Variants in UQCC1 observed in about 807,000 individuals in gnomAD.
UQCC1 encodes the protein bFGF-repressed Zic-binding protein.
UQCC1 carries 38 observed loss-of-function variants against 48.0 expected under a neutral mutation model. That is an observed-to-expected ratio of 0.79 (90% CI 0.61 to 1.04). The LOEUF is 1.04. Ranked by LOEUF, UQCC1 falls within the 50% of genes least tolerant of loss-of-function variation. The pLI, the probability that UQCC1 is intolerant of heterozygous loss-of-function variation, is 0.00. For synonymous variants in UQCC1, 111 were observed against 129.2 expected (o/e 0.86, Z 0.95); for missense variants, 368 against 381.8 (o/e 0.96, Z 0.30).
chr20:35,309,794 T>C (rs138271196), intron 8 of UQCC1, among the ~76,000 whole-genome samples: 474 of 152,358 alleles, frequency 3.1e-3, no homozygotes, highest in African/African-American at 0.011. Flanking sequence ...TCAGTGAAGA[T>C]TGATTTGACA....
Position 35,306,792 on chromosome 20 carries a change from G to T in UQCC1, c.652-13C>A, listed in dbSNP as rs775536448. ...CTGAAAGGATCCCCTGGAACATACA[G>T]CACAGCAGTGGTCTCCTGAGGGATC... On this transcript the variant is annotated splice_polypyrimidine_tract_variant and intron_variant, in intron 8 of 9. Transcript: ENST00000374385. 2 of 1,598,508 alleles carry T rather than the reference G, an allele frequency of 1.3e-6. No homozygotes were observed. The highest frequency in any genetic ancestry group is 1.7e-5 in the Admixed American group (1 of 60,006).
At chr20:35,365,144 G>C (rs1213140043) in intron 6 of UQCC1, among the ~76,000 whole-genome samples, 1 of 152,208 alleles carries the variant, frequency 6.6e-6, no homozygotes, top group Admixed American at 6.5e-5. Flanking sequence ...AGAACTAACA[G>C]GTAGAAGTAT....
At position 35,302,806 on chromosome 20, in the gene UQCC1, A is replaced by C. The variant is rs1402090783; in HGVS notation, c.*1129T>G. On this transcript the variant is annotated 3_prime_UTR_variant, in exon 10 of 10. Transcript: ENST00000374385. ...AACTGAGAGAAGCGGTTTGATTTGTAATGTTTTCACAGAAGTGGGATATAC... is the reference window on the plus strand; with the variant it reads ...AACTGAGAGAAGCGGTTTGATTTGTCATGTTTTCACAGAAGTGGGATATAC... 1 of 152,246 alleles carries C rather than the reference A, an allele frequency of 6.6e-6. No homozygotes were observed. The highest frequency in any genetic ancestry group is 1.5e-5 in the Non-Finnish European group (1 of 68,044). 9.4% of individuals were successfully genotyped at this position (152,246 alleles called of 1,614,324 possible).
intron 7 of UQCC1, among the ~76,000 whole-genome samples, chr20:35,327,138 G>A (rs1158513257): frequency 6.6e-6 from 1 of 152,170 alleles, no homozygotes; most frequent in Non-Finnish European, 1.5e-5. Context: ...CAACAGCCCT[G>A]CCTTCTTCTT....
At chr20:35,394,282 A>G in intron 1 of UQCC1, 86 bp from the exon 2 acceptor site, 1 of 1,155,102 alleles carries the variant, frequency 8.7e-7, no homozygotes, top group East Asian at 2.5e-5. Context: ...ATACTGTAAT[A>G]TAATTAGAAA....
chr20:35,383,921 C>T (rs2061906415), intron 3 of UQCC1, 117 bp downstream of exon 3: 1 of 794,620 alleles, frequency 1.3e-6, no homozygotes, highest in African/African-American at 1.7e-5. Flanking sequence ...TCACTTTACC[C>T]CCTGAGCCTC....
chr20:35,377,817 C>T (rs957756710), intron 4 of UQCC1, among the ~76,000 whole-genome samples: 2 of 152,220 alleles, frequency 1.3e-5, no homozygotes, highest in African/African-American at 2.4e-5. Context: ...CCCAACAACA[C>T]GTTTGTGAAA....
intron 6 of UQCC1, among the ~76,000 whole-genome samples, chr20:35,364,457 C>T (rs2061642806): frequency 6.6e-6 from 1 of 152,168 alleles, no homozygotes; most frequent in Non-Finnish European, 1.5e-5. Flanking sequence ...AAAGAAATTA[C>T]CAGAAAAGAA....
At chr20:35,385,228 C>T (rs1328260908) in intron 2 of UQCC1, among the ~76,000 whole-genome samples, 1 of 152,102 alleles carries the variant, frequency 6.6e-6, no homozygotes, top group Non-Finnish European at 1.5e-5. Flanking sequence ...ATATAAAGTG[C>T]CTTTCACAAA....
At chr20:35,365,038 T>C (rs1165793359) in intron 6 of UQCC1, among the ~76,000 whole-genome samples, 1 of 152,168 alleles carries the variant, frequency 6.6e-6, no homozygotes, top group Non-Finnish European at 1.5e-5. Flanking sequence ...ATATGCAGCT[T>C]CCTTCCCTGA....
intron 2 of UQCC1, among the ~76,000 whole-genome samples, chr20:35,385,080 AGT>A: frequency 6.6e-6 from 1 of 152,052 alleles, no homozygotes; most frequent in Admixed American, 6.6e-5. Context: ...TATGGGCAGC[AGT>A]GCCGTATATG....
intron 5 of UQCC1, among the ~76,000 whole-genome samples, chr20:35,367,926 T>C (rs561406936): frequency 5.0e-4 from 76 of 152,150 alleles, no homozygotes; most frequent in African/African-American, 1.8e-3. Context: ...TCCCACAAAT[T>C]AGTTCTGTGC....
chr20:35,385,438 T>C (rs1011609887), intron 2 of UQCC1, among the ~76,000 whole-genome samples: 11 of 152,180 alleles, frequency 7.2e-5, no homozygotes, highest in African/African-American at 2.7e-4. Flanking sequence ...TTAATGAAAG[T>C]TCAGTCACTC....
Position 35,314,597 on chromosome 20 carries a change from ATGGTCCCTGTGGCTTCCCTCAG to A in UQCC1, c.651+69_651+90del. ...TACGCCATGGTGGTAGCCAGTAACA[ATGGTCCCTGTGGCTTCCCTCAG>A]AGGCTCTCATCAAAAGCCTTTGCTG... On this transcript the variant is annotated intron_variant, in intron 8 of 9. Transcript: ENST00000374385. 4 of 1,040,672 alleles carry A rather than the reference ATGGTCCCTGTGGCTTCCCTCAG, an allele frequency of 3.8e-6. No homozygotes were observed. The South Asian group carries it at 6.6e-5, about 17-fold the overall frequency. The allele number at this position is 1,040,672 out of a possible 1,614,324, so 64.5% of individuals were successfully genotyped here.
chr20:35,396,284 C>CTTTTTT (rs34830667), intron 1 of UQCC1, among the ~76,000 whole-genome samples: 2 of 94,404 alleles, frequency 2.1e-5, no homozygotes, highest in Non-Finnish European at 4.0e-5. Flanking sequence ...TGTGCCTGGC[C>CTTTTTT]TTTTTTTTTT....
chr20:35,341,371 C>CA (rs2061377029), intron 7 of UQCC1, among the ~76,000 whole-genome samples: 1 of 151,894 alleles, frequency 6.6e-6, no homozygotes, highest in Admixed American at 6.6e-5. Context: ...GTGGGGGAAA[C>CA]GATTTATTTC....
At chr20:35,411,863 A>C in intron 1 of UQCC1, 77 bp downstream of exon 1, 4 of 1,597,138 alleles carry the variant, frequency 2.5e-6, no homozygotes, top group Non-Finnish European at 3.4e-6. Context: ...GATTCCTTCC[A>C]ATTCCTCCCG....
chr20:35,340,030 TA>T (rs1366676071), intron 7 of UQCC1, among the ~76,000 whole-genome samples: 1 of 152,138 alleles, frequency 6.6e-6, no homozygotes, highest in Non-Finnish European at 1.5e-5. Context: ...TATGCATCCT[TA>T]CCCACTCTAA....
At chr20:35,369,599 T>TC in intron 5 of UQCC1, among the ~76,000 whole-genome samples, 1 of 152,198 alleles carries the variant, frequency 6.6e-6, no homozygotes, top group East Asian at 1.9e-4. Flanking sequence ...ACTCTACCTC[T>TC]CACTCACTAT....
Sources: allele counts gnomAD v4.1 joint callset (sites outside exome capture counted in the v4.1 genomes callset), GRCh38; gene constraint gnomAD v4.1.1; transcripts MANE v1.5; gene names NCBI Gene and HGNC (gene_info 2026-07-23, HGNC 2026-07-21).